Variants in CELSR1 observed in about 807,000 individuals in gnomAD.
CELSR1 encodes adhesion G protein-coupled receptor C1.
CELSR1 carries 110 observed loss-of-function variants against 249.1 expected under a neutral mutation model. The observed-to-expected ratio is 0.44, with a 90% CI of 0.38 to 0.52. The LOEUF is 0.52. CELSR1 is among the 20% of genes least tolerant of loss of function. The pLI, the probability that CELSR1 is intolerant of heterozygous loss-of-function variation, is 0.00. For missense variants in CELSR1, 4,109 were observed against 4,296.4 expected (o/e 0.96, Z 1.22); for synonymous variants, 2,113 against 1,900.0 (o/e 1.11, Z -2.92).
chr22:46,397,703 C>T lies in CELSR1; in HGVS notation c.5672G>A (p.Trp1891Ter), dbSNP rs746377659. The change falls in exon 12 of 35, where the codon TGG becomes TAG. Residue 1891 changes from tryptophan to a stop codon, truncating the protein, a stop_gained. Coordinates refer to ENST00000674500, the MANE Select transcript of CELSR1 (RefSeq NM_001378328.1). LOFTEE classifies it high-confidence loss of function. ...GTCACAGACGCAGCTGTAGTCCTCCCAGGCGTCGTGGCAGCGGCTATTGGG... is the reference window on the plus strand; with the variant it reads ...GTCACAGACGCAGCTGTAGTCCTCCTAGGCGTCGTGGCAGCGGCTATTGGG... ...CPPNSRCHDA[W>*]EDYSCVCDKG... is the part of the protein sequence containing the mutation. 5 of 1,565,434 alleles carry T rather than the reference C, an allele frequency of 3.2e-6. No homozygotes were observed.
rs747299946 is a variant in CELSR1, at chr22:46,367,011, G to T, written c.8187C>A (p.Thr2729=). Reference sequence around the variant, plus strand: ...CTCCTACCGTCAGCAGGGTGGCCCTGGTGGTGGCGGAGTCCTCCAGGTGCA... The same window carrying T: ...CTCCTACCGTCAGCAGGGTGGCCCTTGTGGTGGCGGAGTCCTCCAGGTGCA... ...RKLHLEDSAT[T]RATLLTRSLN... is the part of the protein sequence containing the mutation. Residue 2729 remains threonine (T), a synonymous_variant, in exon 29 of 35, where the codon ACC becomes ACA. Coordinates refer to ENST00000674500, the MANE Select transcript of CELSR1 (RefSeq NM_001378328.1). 6.2e-7 allele frequency: 1 copy of T among 1,610,170 alleles called. No individual in the cohort carries two copies. The highest frequency in any genetic ancestry group is 8.5e-7 in the Non-Finnish European group (1 of 1,179,446).
intron 2 of CELSR1, among the ~76,000 whole-genome samples, chr22:46,450,951 C>T (rs902860742): frequency 5.3e-5 from 8 of 152,222 alleles, no homozygotes; most frequent in Admixed American, 3.3e-4. Context: ...TACGCACCTG[C>T]GCAAGGGCGA....
rs930454171 is a variant in CELSR1, at chr22:46,394,059, T to A, written c.5964+83A>T. On this transcript the variant is annotated intron_variant, in intron 14 of 34. Transcript: ENST00000674500. Reference sequence around the variant, plus strand: ...TGTGAGTGTGTACCGACAGGGTATGTGAAGGCGTGTGTGTATTTAGGGGCA... The same window carrying A: ...TGTGAGTGTGTACCGACAGGGTATGAGAAGGCGTGTGTGTATTTAGGGGCA... 20 of 1,533,676 alleles carry A rather than the reference T, an allele frequency of 1.3e-5. No individual in the cohort carries two copies. In the South Asian group the frequency reaches 2.3e-4, roughly 18 times the overall value.
rs1271615721 is a variant in CELSR1, at chr22:46,527,663, T to C, written c.3544+5964A>G. ...AACACTCCTTATTTCTGAGGCAGTG[T>C]TTCTCAAGGTATGAGCAAGCCACTG... On this transcript the variant is annotated intron_variant, in intron 1 of 34. Coordinates refer to ENST00000674500, the MANE Select transcript of CELSR1 (RefSeq NM_001378328.1). This position sits in a 1 kb window ranked among gnomAD's most constrained non-coding sequence, Gnocchi z 5.5. 6.6e-6 allele frequency among the ~76,000 whole-genome samples: 1 copy of C among 152,186 alleles called. No homozygotes were observed. The highest frequency in any genetic ancestry group is 1.5e-5 in the Non-Finnish European group (1 of 68,034).
chr22:46,471,757 TCTG>T lies in CELSR1; in HGVS notation c.3545-7415_3545-7413del, dbSNP rs1307218013. ...AGGTTATTAACTGAAGCCTGTTCTC[TCTG>T]CAGATTTCCCTCATTTCCACCCACT... On this transcript the variant is annotated intron_variant, in intron 1 of 34. Coordinates refer to ENST00000674500, the MANE Select transcript of CELSR1 (RefSeq NM_001378328.1). The surrounding 1 kb of genome is among the most constrained non-coding windows in gnomAD (Gnocchi z 4.9). 1.3e-5 allele frequency among the ~76,000 whole-genome samples: 2 copies of T among 152,128 alleles called. No individual in the cohort carries two copies. The highest frequency in any genetic ancestry group is 1.3e-4 in the Admixed American group (2 of 15,274).
rs991922144 is a variant in CELSR1, at chr22:46,527,876, G to T, written c.3544+5751C>A. On this transcript the variant is annotated intron_variant, in intron 1 of 34. Transcript: ENST00000674500. The surrounding 1 kb of genome is among the most constrained non-coding windows in gnomAD (Gnocchi z 5.5). ...TTTGGGAGGCTGAGGCGGGCGGATA[G>T]CCTGAGGTCAGGAGTTGGAGACCAG... Among the ~76,000 whole-genome samples the T allele has an allele frequency of 1.3e-5, 2 of 152,062 alleles. No homozygotes were observed. Among genetic ancestry groups the T allele is most frequent in the African/African-American group, 4.8e-5 (2 of 41,388 alleles).
chr22:46,399,994 G>T lies in CELSR1; in HGVS notation c.5227-92C>A, dbSNP rs2079194310. On this transcript the variant is annotated intron_variant, in intron 9 of 34. Transcript: ENST00000674500. The surrounding 1 kb of genome is among the most constrained non-coding windows in gnomAD (Gnocchi z 5.0). ...CACTTAAACAAGGAAGCTGTGAAAG[G>T]AGACTGATTATGTGGCACCAGATAC... is the stretch of plus-strand genomic sequence containing the variant. 2.3e-6 allele frequency: 3 copies of T among 1,330,722 alleles called. No individual in the cohort carries two copies. The highest frequency in any genetic ancestry group is 3.1e-6 in the Non-Finnish European group (3 of 961,032). 82.4% of individuals were successfully genotyped at this position (1,330,722 alleles called of 1,614,324 possible). A position where few individuals can be genotyped will look rare whatever the true frequency, so the allele number is the denominator to read the frequency against.
intron 25 of CELSR1, among the ~76,000 whole-genome samples, chr22:46,371,831 T>C: frequency 6.9e-6 from 1 of 145,430 alleles, no homozygotes; most frequent in South Asian, 2.3e-4. Context: ...TCTCCATCCC[T>C]CCATCCATCC....
chr22:46,518,893 C>G lies in CELSR1; in HGVS notation c.3544+14734G>C, dbSNP rs922725560. Among the ~76,000 whole-genome samples, 1 of 152,048 alleles carries G rather than the reference C, an allele frequency of 6.6e-6. No individual in the cohort carries two copies. Among genetic ancestry groups the G allele is most frequent in the South Asian group, 2.1e-4 (1 of 4,818 alleles). On this transcript the variant is annotated intron_variant, in intron 1 of 34. Transcript: ENST00000674500. This position sits in a 1 kb window ranked among gnomAD's most constrained non-coding sequence, Gnocchi z 5.2. The stretch of plus-strand genomic sequence containing the variant: ...ACTAAAAATACAAAAATTAGCTGGA[C>G]GTGGTGGCGCATGCCTGTAATCCCA...
intron 2 of CELSR1, among the ~76,000 whole-genome samples, chr22:46,456,716 A>T (rs560796712): frequency 6.6e-6 from 1 of 150,660 alleles, no homozygotes; most frequent in Non-Finnish European, 1.5e-5. Flanking sequence ...TCACAGCTGG[A>T]GTGACGTACA....
intron 2 of CELSR1, among the ~76,000 whole-genome samples, chr22:46,456,223 G>A (rs551122293): frequency 6.6e-6 from 1 of 152,374 alleles, no homozygotes; most frequent in African/African-American, 2.4e-5. Flanking sequence ...GCAACCCTGC[G>A]CTAAGCAGAC....
chr22:46,389,312 G>A lies in CELSR1; in HGVS notation c.6533C>T (p.Thr2178Met), dbSNP rs534737219. ...SWQQGFDLAA[T>M]QDADFHEDVI... is the part of the protein sequence containing the mutation. ...TACCTCGTGAAAGTCGGCGTCCTGC[G>A]TGGCTGCCAGGTCGAAGCCCTGCTG... is the stretch of plus-strand genomic sequence containing the variant. The change falls in exon 18 of 35, where the codon ACG (threonine) becomes ATG (methionine). Residue 2178 changes from threonine (T) to methionine (M), a missense_variant. Around this residue, in one of 7 missense-constraint regions of CELSR1, gnomAD observed 1,805 missense variants for 1,831.6 expected, o/e 0.99. Coordinates refer to ENST00000674500, the MANE Select transcript of CELSR1 (RefSeq NM_001378328.1). 2.5e-5 allele frequency: 40 copies of A among 1,607,942 alleles called. No homozygotes were observed. Among genetic ancestry groups the A allele is most frequent in the Middle Eastern group, 2.0e-4 (1 of 5,116 alleles).
rs1030748431 is a variant in CELSR1, at chr22:46,428,636, A to G, written c.4611+4757T>C. 2.0e-5 allele frequency among the ~76,000 whole-genome samples: 3 copies of G among 152,240 alleles called. No homozygotes were observed. Among genetic ancestry groups the G allele is most frequent in the Non-Finnish European group, 2.9e-5 (2 of 68,046 alleles). ...TGACCAGAGGTCAGGAATGCTGCCC[A>G]GAACAGGCCTCACAATGAAGGGTCA... is the stretch of plus-strand genomic sequence containing the variant. On this transcript the variant is annotated intron_variant, in intron 5 of 34. Coordinates refer to ENST00000674500, the MANE Select transcript of CELSR1 (RefSeq NM_001378328.1). The surrounding 1 kb of genome is among the most constrained non-coding windows in gnomAD (Gnocchi z 5.7).
At position 46,423,560 on chromosome 22, in the gene CELSR1, G is replaced by A. The variant is rs1316756469; in HGVS notation, c.4611+9833C>T. Among the ~76,000 whole-genome samples the A allele has an allele frequency of 6.1e-5, 9 of 147,904 alleles. No homozygotes were observed. Among genetic ancestry groups the A allele is most frequent in the East Asian group, 2.0e-4 (1 of 4,992 alleles). On this transcript the variant is annotated intron_variant, in intron 5 of 34. Coordinates refer to ENST00000674500, the MANE Select transcript of CELSR1 (RefSeq NM_001378328.1). The surrounding 1 kb of genome is among the most constrained non-coding windows in gnomAD (Gnocchi z 5.6). Reference sequence around the variant, plus strand: ...GCAGAGGTTGCGGTGAGCCGAGATCGCGCCTTTACACTCCAGCCTGGGCAA... The same window carrying A: ...GCAGAGGTTGCGGTGAGCCGAGATCACGCCTTTACACTCCAGCCTGGGCAA...
Position 46,536,985 on chromosome 22 carries a change from C to T in CELSR1, c.186G>A (p.Arg62=), listed in dbSNP as rs1448876062. 2 of 1,125,568 alleles carry T rather than the reference C, an allele frequency of 1.8e-6. No homozygotes were observed. Among genetic ancestry groups the T allele is most frequent in the Non-Finnish European group, 2.2e-6 (2 of 921,976 alleles). The allele number at this position is 1,125,568 out of a possible 1,614,324, so 69.7% of individuals were successfully genotyped here. A position where few individuals can be genotyped will look rare whatever the true frequency, so the allele number is the denominator to read the frequency against. Residue 62 remains arginine, a synonymous_variant, in exon 1 of 35, where the codon CGG becomes CGA. Coordinates refer to ENST00000674500, the MANE Select transcript of CELSR1 (RefSeq NM_001378328.1). ...VGAACTPRAP[R]ELLDVGRDGR... The stretch of plus-strand genomic sequence containing the variant: ...CATCGCGGCCCACGTCCAGCAGCTC[C>T]CGCGGCGCCCGGGGCGTGCAAGCGG...
chr22:46,521,469 C>A (rs189720377), intron 1 of CELSR1, among the ~76,000 whole-genome samples: 1 of 151,244 alleles, frequency 6.6e-6, no homozygotes, highest in Admixed American at 6.6e-5. Flanking sequence ...CGCGCCACTG[C>A]ACTCCAGCCT....
At chr22:46,477,965 C>G (rs578011622) in intron 1 of CELSR1, among the ~76,000 whole-genome samples, 1 of 152,306 alleles carries the variant, frequency 6.6e-6, no homozygotes, top group East Asian at 1.9e-4. Context: ...TGGCCTCCAC[C>G]CACTGGATGT....
chr22:46,420,970 C>T (rs1034668800), intron 5 of CELSR1, among the ~76,000 whole-genome samples: 1 of 152,032 alleles, frequency 6.6e-6, no homozygotes, highest in Admixed American at 6.6e-5. Flanking sequence ...TCGGATGGCA[C>T]GTCCCAGAGC....
chr22:46,411,851 G>C lies in CELSR1; in HGVS notation c.4612-92C>G. 1.3e-6 allele frequency: 2 copies of C among 1,525,640 alleles called. No individual in the cohort carries two copies. The highest frequency in any genetic ancestry group is 1.4e-5 in the African/African-American group (1 of 73,476). The allele number at this position is 1,525,640 out of a possible 1,614,324, so 94.5% of individuals were successfully genotyped here. On this transcript the variant is annotated intron_variant, in intron 5 of 34. Transcript: ENST00000674500. The surrounding 1 kb of genome is among the most constrained non-coding windows in gnomAD (Gnocchi z 4.2). ...GTCACTCATAGAGCGAGGAGGACAT[G>C]GCACAGGGTGGGCGGCACGTAGACA...
Sources: gnomAD v4.1 joint callset for allele counts (sites outside exome capture counted in the v4.1 genomes callset) on GRCh38, gnomAD v4.1.1 for gene constraint, gnomAD v4.1.1 regional missense constraint, Gnocchi (gnomAD v3.1) non-coding constraint, MANE v1.5 for transcripts, NCBI Gene and HGNC (gene_info 2026-07-23, HGNC 2026-07-21) for gene names.